The following SEC24B variants were observed in gnomAD, a reference collection of about 807,000 sequenced individuals.
The protein encoded by SEC24B is protein transport protein Sec24B.
A neutral mutation model predicts 142.8 loss-of-function variants in SEC24B; 45 were observed. The ratio of observed to expected loss-of-function variants is 0.32; its 90% CI spans 0.25 to 0.40. SEC24B has a LOEUF of 0.40. Ranked by LOEUF, SEC24B falls within the 10% of genes least tolerant of loss-of-function variation. The pLI, the probability that SEC24B is intolerant of heterozygous loss-of-function variation, is 1.00. For missense variants in SEC24B, 1,409 were observed against 1,526.8 expected (o/e 0.92, Z 1.29); for synonymous variants, 574 against 568.2 (o/e 1.01, Z -0.15).
intron 11 of SEC24B, among the ~76,000 whole-genome samples, chr4:109,518,881 G>A (rs754335338): frequency 3.0e-4 from 44 of 146,096 alleles, no homozygotes; most frequent in Admixed American, 4.3e-4. Flanking sequence ...ATCTCTGCTC[G>A]CTGCAGCCTT....
intron 1 of SEC24B, among the ~76,000 whole-genome samples, chr4:109,444,772 T>C (rs1405272267): frequency 2.0e-5 from 3 of 152,192 alleles, no homozygotes; most frequent in East Asian, 3.9e-4. Flanking sequence ...GAAAATATTA[T>C]AGACCATTTG....
chr4:109,460,684 A>C (rs1731160241), intron 1 of SEC24B, among the ~76,000 whole-genome samples: 1 of 151,930 alleles, frequency 6.6e-6, no homozygotes, highest in Non-Finnish European at 1.5e-5. Context: ...GGGTATAATA[A>C]TACTATTTAC....
intron 4 of SEC24B, among the ~76,000 whole-genome samples, chr4:109,484,250 T>C (rs1044748590): frequency 1.3e-5 from 2 of 152,206 alleles, no homozygotes; most frequent in Non-Finnish European, 2.9e-5. Context: ...TTTTGTAAAA[T>C]GTTCCCCAGT....
At chr4:109,494,293 TA>T (rs1561133187) in intron 5 of SEC24B, among the ~76,000 whole-genome samples, 1 of 151,628 alleles carries the variant, frequency 6.6e-6, no homozygotes, top group South Asian at 2.1e-4. Context: ...ATCTCTATTT[TA>T]AAAAAAAGAA....
At chr4:109,447,973 A>G (rs1729640266) in intron 1 of SEC24B, among the ~76,000 whole-genome samples, 1 of 152,114 alleles carries the variant, frequency 6.6e-6, no homozygotes. Flanking sequence ...CACTTTCTCC[A>G]TGTTCAAAGC....
intron 7 of SEC24B, among the ~76,000 whole-genome samples, chr4:109,507,981 TA>T (rs925608730): frequency 3.3e-5 from 5 of 151,196 alleles, no homozygotes; most frequent in African/African-American, 1.2e-4. Context: ...TTTCCAGCTT[TA>T]AAAAAAAAGC....
Position 109,510,074 on chromosome 4 carries a change from C to T in SEC24B, c.1739C>T (p.Pro580Leu). 1 of 1,609,566 alleles carries T rather than the reference C, an allele frequency of 6.2e-7. No individual in the cohort carries two copies. The highest frequency in any genetic ancestry group is 8.5e-7 in the Non-Finnish European group (1 of 1,177,940). ...TQALLNKAKL[P>L]LGLLLHPFRD... Reference sequence around the variant, plus strand: ...GCTTTACTGAATAAAGCTAAGCTTCCTTTAGGATTGTTGTTACATCCCTTC... The same window carrying T: ...GCTTTACTGAATAAAGCTAAGCTTCTTTTAGGATTGTTGTTACATCCCTTC... Residue 580 changes from proline to leucine, a missense_variant, in exon 8 of 24, where the codon CCT becomes CTT. Transcript: ENST00000265175.
At chr4:109,481,137 A>G (rs142911322) in intron 3 of SEC24B, among the ~76,000 whole-genome samples, 4 of 152,114 alleles carry the variant, frequency 2.6e-5, no homozygotes, top group African/African-American at 9.6e-5. Flanking sequence ...CAGAGTATCT[A>G]CTGTTAGCAG....
At chr4:109,478,285 T>TA (rs10616592) in intron 3 of SEC24B, among the ~76,000 whole-genome samples, 9,126 of 142,072 alleles carry the variant, frequency 0.064, 316 homozygotes, top group Non-Finnish European at 0.072. Context: ...GACTCTGTCT[T>TA]AAAAAAAAAA....
At chr4:109,480,289 G>A (rs183732569) in intron 3 of SEC24B, among the ~76,000 whole-genome samples, 3 of 151,698 alleles carry the variant, frequency 2.0e-5, no homozygotes, top group Non-Finnish European at 4.4e-5. Context: ...AAAAAATAAA[G>A]AGAGCATTAA....
chr4:109,494,863 A>G lies in SEC24B; in HGVS notation c.1488+7A>G, dbSNP rs544867155. ...ATTCCAGCAGTATCCTCAAGTATGT[A>G]TTCAGTCATATACACACATTGTAAC... On this transcript the variant is annotated splice_region_variant and intron_variant, in intron 6 of 23. Coordinates refer to ENST00000265175, the MANE Select transcript of SEC24B (RefSeq NM_006323.5). 3.1e-6 allele frequency: 5 copies of G among 1,614,066 alleles called. No individual in the cohort carries two copies. The East Asian group carries it at 8.9e-5, about 29-fold the overall frequency.
intron 17 of SEC24B, 145 bp downstream of exon 17, chr4:109,526,544 TTC>T: frequency 1.8e-6 from 1 of 546,552 alleles, no homozygotes; most frequent in East Asian, 3.3e-5. Context: ...TGTTGTTATT[TTC>T]TTTCTTTTTT....
chr4:109,487,439 G>T (rs553680992), intron 4 of SEC24B, among the ~76,000 whole-genome samples: 1 of 152,182 alleles, frequency 6.6e-6, no homozygotes, highest in African/African-American at 2.4e-5. Context: ...AAAGGGACAG[G>T]TGAGAGATGC....
chr4:109,478,980 AT>A, intron 3 of SEC24B, among the ~76,000 whole-genome samples: 1 of 152,318 alleles, frequency 6.6e-6, no homozygotes, highest in African/African-American at 2.4e-5. Flanking sequence ...GAACTCCTGA[AT>A]TTAAAAAAGC....
intron 2 of SEC24B, among the ~76,000 whole-genome samples, chr4:109,471,918 G>A (rs1732562640): frequency 6.6e-6 from 1 of 152,010 alleles, no homozygotes; most frequent in South Asian, 2.1e-4. Flanking sequence ...TTCAAAGGGT[G>A]GTAAAATAGA....
At chr4:109,455,502 A>G (rs527979665) in intron 1 of SEC24B, among the ~76,000 whole-genome samples, 12 of 152,286 alleles carry the variant, frequency 7.9e-5, no homozygotes, top group Non-Finnish European at 1.6e-4. Flanking sequence ...AGGCCTCCCA[A>G]AATGCTGGGA....
chr4:109,509,956 G>T (rs1561155057), intron 7 of SEC24B, 53 bp from the exon 8 acceptor site: 7 of 1,069,446 alleles, frequency 6.5e-6, no homozygotes, highest in Admixed American at 2.2e-5. Flanking sequence ...ATCTACTTCA[G>T]TGTATTTTTC....
At chr4:109,507,933 C>T (rs1428315587) in intron 7 of SEC24B, among the ~76,000 whole-genome samples, 1 of 152,200 alleles carries the variant, frequency 6.6e-6, no homozygotes, top group African/African-American at 2.4e-5. Context: ...GCGTGAGCCA[C>T]TGTGCCCAGC....
chr4:109,506,602 G>A (rs933283602), intron 7 of SEC24B, 90 bp downstream of exon 7: 6 of 950,630 alleles, frequency 6.3e-6, no homozygotes, highest in Admixed American at 6.0e-5. Flanking sequence ...TTATTTCTTC[G>A]GTTGGAAGTT....
Sources: gnomAD v4.1 joint callset for allele counts (sites outside exome capture counted in the v4.1 genomes callset) on GRCh38, gnomAD v4.1.1 for gene constraint, MANE v1.5 for transcripts, NCBI Gene and HGNC (gene_info 2026-07-23, HGNC 2026-07-21) for gene names.